LRRC17: variants seen among roughly 807,000 people sequenced by gnomAD.
The protein encoded by LRRC17 is leucine rich repeat containing 17.
Under a neutral mutation model 41.5 loss-of-function variants are expected in LRRC17, and 33 were observed. The ratio of observed to expected loss-of-function variants is 0.80; its 90% CI spans 0.60 to 1.06. The LOEUF is 1.06. Among genes scored for constraint, LRRC17 ranks in the 50% least tolerant of loss-of-function variants. The probability of loss-of-function intolerance (pLI) is 0.00; values close to 1 mark genes in which losing one functional copy is unlikely to be tolerated. For synonymous variants in LRRC17, 192 were observed against 197.0 expected (o/e 0.97, Z 0.21); for missense variants, 491 against 519.3 (o/e 0.95, Z 0.53).
chr7:102,926,238 T>A, intron 1 of LRRC17: 1 of 1,577,914 alleles, frequency 6.3e-7, no homozygotes, highest in South Asian at 1.1e-5. Context: ...GGGAGCATAA[T>A]TTTTTTCAGT....
Position 102,934,488 on chromosome 7 carries a change from G to A in LRRC17, c.575G>A (p.Cys192Tyr), listed in dbSNP as rs200668231. 6.2e-6 allele frequency: 10 copies of A among 1,614,148 alleles called. No individual in the cohort carries two copies. The East Asian group carries it at 2.0e-4, about 32-fold the overall frequency. Reference sequence around the variant, plus strand: ...CGGAATTTGGGGAACTACGCCAAGTGTGAAAGTCCACAAGAACAAAAAAAT... The same window carrying A: ...CGGAATTTGGGGAACTACGCCAAGTATGAAAGTCCACAAGAACAAAAAAAT... Reference protein sequence around the residue: ...RNRNLGNYAKCESPQEQKNKK... With the variant: ...RNRNLGNYAKYESPQEQKNKK... Residue 192 changes from cysteine to tyrosine, a missense_variant, in exon 2 of 4, where the codon TGT becomes TAT. Physicochemically the swap from Cys to Tyr is radical, Grantham distance 194. Transcript: ENST00000339431.
intron 2 of LRRC17, 147 bp from the exon 3 acceptor site, chr7:102,939,283 C>G: frequency 3.2e-6 from 2 of 617,416 alleles, no homozygotes; most frequent in African/African-American, 1.8e-5. Flanking sequence ...TATGCTAAGG[C>G]TTGTTTCATA....
At chr7:102,928,038 A>G (rs1818462487) in intron 1 of LRRC17, among the ~76,000 whole-genome samples, 1 of 152,230 alleles carries the variant, frequency 6.6e-6, no homozygotes, top group East Asian at 1.9e-4. Context: ...GGGACCAGGA[A>G]GAGGAAGGTG....
intron 1 of LRRC17, among the ~76,000 whole-genome samples, chr7:102,917,522 C>A (rs1010174541): frequency 2.0e-5 from 3 of 152,060 alleles, no homozygotes; most frequent in Non-Finnish European, 4.4e-5. Context: ...GATGGCGAGA[C>A]TTAAGGTGTG....
chr7:102,914,816 G>A (rs1043118519), intron 1 of LRRC17, among the ~76,000 whole-genome samples: 3 of 152,172 alleles, frequency 2.0e-5, no homozygotes, highest in South Asian at 2.1e-4. Context: ...TGGGGCTGTC[G>A]AGTGGACTGA....
At chr7:102,926,789 C>G (rs1818222377) in intron 1 of LRRC17, among the ~76,000 whole-genome samples, 1 of 152,186 alleles carries the variant, frequency 6.6e-6, no homozygotes, top group African/African-American at 2.4e-5. Flanking sequence ...ACACTCTCAA[C>G]AATGGAACTT....
chr7:102,934,949 C>T (rs2129473871), intron 2 of LRRC17, among the ~76,000 whole-genome samples: 1 of 152,304 alleles, frequency 6.6e-6, no homozygotes, highest in African/African-American at 2.4e-5. Flanking sequence ...ACATCGCAAG[C>T]TGTCACTGTA....
At chr7:102,926,655 C>CT (rs1474985166) in intron 1 of LRRC17, among the ~76,000 whole-genome samples, 2 of 152,182 alleles carry the variant, frequency 1.3e-5, no homozygotes, top group African/African-American at 2.4e-5. Flanking sequence ...AAGTTCAACT[C>CT]TGTCACACGA....
intron 3 of LRRC17, among the ~76,000 whole-genome samples, chr7:102,940,823 T>C (rs1051390067): frequency 2.0e-5 from 3 of 152,230 alleles, no homozygotes; most frequent in Non-Finnish European, 4.4e-5. Context: ...ATTTATAACA[T>C]ATATAACACA....
At chr7:102,934,898 G>T (rs953445951) in intron 2 of LRRC17, among the ~76,000 whole-genome samples, 1 of 152,150 alleles carries the variant, frequency 6.6e-6, no homozygotes, top group Non-Finnish European at 1.5e-5. Context: ...AGGGAAGGAG[G>T]TATCCTCAGG....
rs746055649 is a variant in LRRC17, at chr7:102,934,032, G to A, written c.119G>A (p.Arg40Lys). 6.2e-7 allele frequency: 1 copy of A among 1,614,082 alleles called. No homozygotes were observed. ...CATGGCCGGGCGGGTGGAGGCCGGA[G>A]AGGCTCCAACCCGGTCAAACGCTAC... ...VNHGRAGGGR[R>K]GSNPVKRYAP... The change falls in exon 2 of 4, where the codon AGA becomes AAA. Residue 40 changes from arginine (R) to lysine (K), a missense_variant. Coordinates refer to ENST00000339431, the MANE Select transcript of LRRC17 (RefSeq NM_001031692.3).
intron 1 of LRRC17, among the ~76,000 whole-genome samples, chr7:102,922,521 C>A (rs1469693036): frequency 6.6e-6 from 1 of 151,998 alleles, no homozygotes; most frequent in Non-Finnish European, 1.5e-5. Flanking sequence ...TACTATTTTG[C>A]GGATATAAAG....
chr7:102,926,154 G>T, intron 1 of LRRC17: 3 of 741,710 alleles, frequency 4.0e-6, no homozygotes, highest in Non-Finnish European at 6.6e-6. Context: ...TATCAGAAAA[G>T]CAGTGCCACA....
At chr7:102,925,636 T>C (rs1038549749) in intron 1 of LRRC17, among the ~76,000 whole-genome samples, 58 of 152,120 alleles carry the variant, frequency 3.8e-4, no homozygotes, top group African/African-American at 1.3e-3. Context: ...AATCAGGATG[T>C]TGGCATTCTA....
At chr7:102,923,721 G>A (rs919993417) in intron 1 of LRRC17, among the ~76,000 whole-genome samples, 4 of 152,060 alleles carry the variant, frequency 2.6e-5, no homozygotes, top group African/African-American at 9.7e-5. Flanking sequence ...CTACTCAGGA[G>A]GCTGAGGCAG....
chr7:102,928,884 A>T (rs926006011), intron 1 of LRRC17, among the ~76,000 whole-genome samples: 13 of 152,338 alleles, frequency 8.5e-5, no homozygotes, highest in African/African-American at 3.1e-4. Flanking sequence ...AAAGAGTGCA[A>T]CCAGAGAAAG....
At chr7:102,942,647 A>G (rs2129475725) in intron 3 of LRRC17, among the ~76,000 whole-genome samples, 1 of 152,280 alleles carries the variant, frequency 6.6e-6, no homozygotes, top group East Asian at 1.9e-4. Flanking sequence ...TAGCAAATAG[A>G]AAAAATCCAG....
At chr7:102,938,553 T>C (rs1041732156) in intron 2 of LRRC17, among the ~76,000 whole-genome samples, 1 of 152,148 alleles carries the variant, frequency 6.6e-6, no homozygotes, top group Non-Finnish European at 1.5e-5. Flanking sequence ...CAAGTAAATA[T>C]GGTATTTGTT....
intron 3 of LRRC17, among the ~76,000 whole-genome samples, chr7:102,941,562 TA>T (rs1178358507): frequency 6.6e-6 from 1 of 152,140 alleles, no homozygotes; most frequent in Admixed American, 6.5e-5. Context: ...CCTGTCTTGA[TA>T]AATAGACTCT....
Sources: gnomAD v4.1 joint callset for allele counts (sites outside exome capture counted in the v4.1 genomes callset) on GRCh38, gnomAD v4.1.1 for gene constraint, MANE v1.5 for transcripts, NCBI Gene and HGNC (gene_info 2026-07-23, HGNC 2026-07-21) for gene names.